Variants in TNS3 observed in about 807,000 individuals in gnomAD.
TNS3 encodes tensin-3.
TNS3 carries 45 observed loss-of-function variants against 140.9 expected under a neutral mutation model. The observed-to-expected ratio is 0.32, with a 90% CI of 0.25 to 0.41. The LOEUF (loss-of-function observed/expected upper bound fraction) is 0.41. TNS3 is among the 10% of genes least tolerant of loss of function. TNS3 has a pLI of 1.00. For synonymous variants in TNS3, 815 were observed against 788.4 expected, an observed-to-expected ratio of 1.03 and a Z score of -0.56; for missense variants, 1,716 against 1,906.7, an observed-to-expected ratio of 0.90 and a Z score of 1.86.
In TNS3 at chr7:47,276,077, T is replaced by C; in HGVS notation, c.*1999A>G. 3.4e-6 allele frequency: 1 copy of C among 294,934 alleles called. No homozygotes were observed. The highest frequency in any genetic ancestry group is 6.7e-6 in the Non-Finnish European group (1 of 149,020). 18.3% of individuals were successfully genotyped at this position (294,934 alleles called of 1,614,324 possible). A position where few individuals can be genotyped will look rare whatever the true frequency, so the allele number is the denominator to read the frequency against. ...CAAACCTCTGCTCCCTGTGGCCACA[T>C]TCCTGCAGTGGATGAAAAACCGAGA... On this transcript the variant is annotated 3_prime_UTR_variant, in exon 31 of 31. Coordinates refer to ENST00000311160, the MANE Select transcript of TNS3 (RefSeq NM_022748.12).
chr7:47,465,739 A>G (rs1302351753), intron 4 of TNS3, among the ~76,000 whole-genome samples: 3 of 152,088 alleles, frequency 2.0e-5, no homozygotes, highest in Non-Finnish European at 4.4e-5. Flanking sequence ...AGCCTGACCA[A>G]CATGGAGAAA....
intron 20 of TNS3, among the ~76,000 whole-genome samples, chr7:47,330,316 T>C (rs2150909854): frequency 6.6e-6 from 1 of 152,322 alleles, no homozygotes; most frequent in East Asian, 1.9e-4. Flanking sequence ...GGTGCTGGTC[T>C]CACGCAGCTC....
At chr7:47,408,478 G>A (rs2151389038) in intron 13 of TNS3, among the ~76,000 whole-genome samples, 1 of 152,198 alleles carries the variant, frequency 6.6e-6, no homozygotes, top group African/African-American at 2.4e-5. Flanking sequence ...TGGGGTGCTG[G>A]GGGCTCTTCC....
intron 4 of TNS3, among the ~76,000 whole-genome samples, chr7:47,449,892 C>A (rs1409166499): frequency 6.6e-6 from 1 of 152,246 alleles, no homozygotes; most frequent in East Asian, 1.9e-4. Context: ...AGGCGTGAGC[C>A]ACCACGCCCA....
At chr7:47,328,939 A>C (rs916756533) in intron 20 of TNS3, among the ~76,000 whole-genome samples, 4 of 151,992 alleles carry the variant, frequency 2.6e-5, no homozygotes, top group Admixed American at 2.6e-4. Flanking sequence ...CCTTTCTTCC[A>C]TGTTCTTTGC....
At chr7:47,386,930 C>CT (rs1398575648) in intron 16 of TNS3, among the ~76,000 whole-genome samples, 7 of 152,244 alleles carry the variant, frequency 4.6e-5, no homozygotes, top group Non-Finnish European at 1.0e-4. Flanking sequence ...AACACACCCA[C>CT]TAGTCTCTGA....
chr7:47,582,548 T>C, upstream of TNS3: 2 of 454,096 alleles, frequency 4.4e-6, no homozygotes. Context: ...CATAGCCTAG[T>C]GGGAGTCGCG....
intron 17 of TNS3, among the ~76,000 whole-genome samples, chr7:47,358,428 C>T (rs1197841089): frequency 2.0e-5 from 3 of 152,306 alleles, no homozygotes; most frequent in East Asian, 1.9e-4. Context: ...TGAGCCACCG[C>T]GCCTGGCCAA....
intron 11 of TNS3, among the ~76,000 whole-genome samples, chr7:47,414,355 C>T (rs1793956709): frequency 6.6e-6 from 1 of 152,214 alleles, no homozygotes; most frequent in South Asian, 2.1e-4. Context: ...TCTGAGCAAG[C>T]ACCTGCATGC....
chr7:47,342,857 CTT>C (rs1457100643), intron 20 of TNS3, among the ~76,000 whole-genome samples: 5 of 152,216 alleles, frequency 3.3e-5, no homozygotes, highest in Non-Finnish European at 7.3e-5. Flanking sequence ...CTCCACTTGA[CTT>C]TGCAGAGTGG....
At chr7:47,481,570 A>G (rs956510908) in intron 3 of TNS3, 2 of 762,594 alleles carry the variant, frequency 2.6e-6, no homozygotes, top group Non-Finnish European at 3.2e-6. Flanking sequence ...ACCCAGGGGC[A>G]TGCATTCTCT....
chr7:47,491,946 T>C (rs1006896668), intron 3 of TNS3, among the ~76,000 whole-genome samples: 3 of 152,220 alleles, frequency 2.0e-5, no homozygotes, highest in South Asian at 4.1e-4. Flanking sequence ...ATGCCATGCC[T>C]GACACCATGA....
chr7:47,336,753 T>TA (rs1291678962), intron 20 of TNS3, among the ~76,000 whole-genome samples: 1 of 152,014 alleles, frequency 6.6e-6, no homozygotes, highest in Admixed American at 6.5e-5. Flanking sequence ...CCCATAAAAA[T>TA]AAAAAATAGA....
rs1340201271 is a variant in TNS3 at position 47,389,154 on chromosome 7, A to AAGAAGAAGAAGC, written c.1024+7645_1024+7646insGCTTCTTCTTCT. 1.5e-4 allele frequency among the ~76,000 whole-genome samples: 12 copies of AAGAAGAAGAAGC among 82,292 alleles called. 1 individual carries two copies. The highest frequency in any genetic ancestry group is 1.1e-3 in the East Asian group (3 of 2,776). The allele number at this position is 82,292 out of a possible 152,430, so 54.0% of individuals were successfully genotyped here. ...GAAGAAGAAGAAGAAGAAGAAGAAG[A>AAGAAGAAGAAGC]AGCAGAAGAAGCAGCAGAAGCAGAA... is the stretch of plus-strand genomic sequence containing the variant. On this transcript the variant is annotated intron_variant, in intron 16 of 30. Transcript: ENST00000311160.
At chr7:47,417,015 C>A (rs940905285) in intron 10 of TNS3, among the ~76,000 whole-genome samples, 1 of 152,188 alleles carries the variant, frequency 6.6e-6, no homozygotes, top group Non-Finnish European at 1.5e-5. Context: ...GCAGTGACCA[C>A]GCGGCTAAGA....
chr7:47,305,235 G>A (rs190327762), intron 20 of TNS3, among the ~76,000 whole-genome samples: 2 of 152,254 alleles, frequency 1.3e-5, no homozygotes, highest in East Asian at 1.9e-4. Flanking sequence ...AAAATAAAGC[G>A]ACCTAATTCA....
intron 20 of TNS3, among the ~76,000 whole-genome samples, chr7:47,318,874 G>T (rs753889926): frequency 6.6e-6 from 1 of 152,240 alleles, no homozygotes; most frequent in African/African-American, 2.4e-5. Flanking sequence ...CAAGTCTTTA[G>T]TCCGCAGAAT....
intron 27 of TNS3, among the ~76,000 whole-genome samples, chr7:47,285,698 T>C (rs1050026723): frequency 2.1e-4 from 32 of 152,386 alleles, no homozygotes; most frequent in Middle Eastern, 3.4e-3. Flanking sequence ...AGTAACCTAG[T>C]GGTCCCGCTT....
rs540977717 is a variant in TNS3 at position 47,329,833 on chromosome 7, G to A, written c.2650+14922C>T. On this transcript the variant is annotated intron_variant, in intron 20 of 30. Coordinates refer to ENST00000311160, the MANE Select transcript of TNS3 (RefSeq NM_022748.12). ...CCCAAGGGTGGGTCCCATTCCCTCC[G>A]TGGAACTGTGGGCTCAGTGACTCGG... 1.9e-4 allele frequency among the ~76,000 whole-genome samples: 29 copies of A among 152,198 alleles called. No homozygotes were observed. The South Asian group carries it at 4.6e-3, about 24-fold the overall frequency.
Sources: allele counts gnomAD v4.1 joint callset (sites outside exome capture counted in the v4.1 genomes callset), GRCh38; gene constraint gnomAD v4.1.1; transcripts MANE v1.5; gene names NCBI Gene and HGNC (gene_info 2026-07-23, HGNC 2026-07-21).